MUC5AC: variants seen among roughly 807,000 people sequenced by gnomAD.
The protein encoded by MUC5AC is mucin 5AC, oligomeric mucus/gel-forming, also known as mucin-5AC.
MUC5AC carries 158 observed loss-of-function variants against 169.7 expected under a neutral mutation model. That is an observed-to-expected ratio of 0.93 (90% confidence interval 0.82 to 1.06). MUC5AC has a LOEUF of 1.06. Ranked by LOEUF, MUC5AC falls within the 50% of genes least tolerant of loss-of-function variation. The probability of loss-of-function intolerance (pLI) is 0.00; values close to 1 mark genes in which losing one functional copy is unlikely to be tolerated. For synonymous variants in MUC5AC, 1,975 were observed against 1,237.0 expected (o/e 1.60, Z -12.52); for missense variants, 4,359 against 3,089.9 (o/e 1.41, Z -9.74).
intron 3 of MUC5AC, 34 bp downstream of exon 3, chr11:1,161,620 G>T (rs1235674368): frequency 6.9e-6 from 11 of 1,591,280 alleles, no homozygotes; most frequent in African/African-American, 1.3e-5. Context: ...GTGGGGAAGG[G>T]TCATAGCTTT....
chr11:1,184,488 A>T lies in MUC5AC; in HGVS notation c.6343A>T (p.Asn2115Tyr). ...CACCCACACCACACCAGTCACCAGA[A>T]ACTGTCATCCCCGGTGCACCTGGAC... ...QGTHTTPVTRNCHPRCTWTTW... is the reference protein window; with the variant it reads ...QGTHTTPVTRYCHPRCTWTTW... The change falls in exon 31 of 49, where the codon AAC becomes TAC. Residue 2115 changes from asparagine (N) to tyrosine (Y), a missense_variant. Physicochemically the swap from Asn to Tyr is moderately radical, Grantham distance 143. Transcript: ENST00000621226. The T allele has an allele frequency of 1.6e-6, 1 of 642,048 alleles. No individual in the cohort carries two copies. Among genetic ancestry groups the T allele is most frequent in the Non-Finnish European group, 2.8e-6 (1 of 355,570 alleles). The allele number at this position is 642,048 out of a possible 1,614,324, so 39.8% of individuals were successfully genotyped here. A position where few individuals can be genotyped will look rare whatever the true frequency, so the allele number is the denominator to read the frequency against.
At chr11:1,168,612 C>T in intron 13 of MUC5AC, 30 bp from the exon 14 acceptor site, 1 of 1,612,122 alleles carries the variant, frequency 6.2e-7, no homozygotes, top group Non-Finnish European at 8.5e-7. Context: ...CCACAGCCCC[C>T]AGCAAAACCC....
chr11:1,188,455 G>C lies in MUC5AC; in HGVS notation c.10310G>C (p.Ser3437Thr). The change falls in exon 31 of 49, where the codon AGC (serine) becomes ACC (threonine). Residue 3437 changes from serine (S) to threonine (T), a missense_variant. Transcript: ENST00000621226. ...TTSIISAPTT[S>T]TTSSPTTSTT... ...AGCATAATCTCTGCCCCTACAACCA[G>C]CACAACCTCTTCCCCTACAACCAGC... The C allele has an allele frequency of 1.4e-5, 9 of 643,280 alleles. 1 individual carries two copies. The highest frequency in any genetic ancestry group is 1.8e-5 in the African/African-American group (1 of 55,650). 39.8% of individuals were successfully genotyped at this position (643,280 alleles called of 1,614,324 possible). A position where few individuals can be genotyped will look rare whatever the true frequency, so the allele number is the denominator to read the frequency against.
intron 45 of MUC5AC, 60 bp downstream of exon 45, chr11:1,199,245 G>A (rs752781834): frequency 8.4e-6 from 6 of 715,828 alleles, no homozygotes; most frequent in Non-Finnish European, 1.5e-5. Flanking sequence ...GGCATGTGGG[G>A]ACCTGTCGTT....
rs960163953 is a variant in MUC5AC at position 1,182,212 on chromosome 11, C to T, written c.4067C>T (p.Pro1356Leu). ...CCAAGCAGCGCGCACACAGGCCCTC[C>T]GAGCAGCGCCTGGCCCACCACAGCA... ...NGPSSAHTGP[P>L]SSAWPTTAGT... The change falls in exon 31 of 49, where the codon CCG becomes CTG. Residue 1356 changes from proline (P) to leucine (L), a missense_variant. Physicochemically the swap from Pro to Leu is moderately conservative, Grantham distance 98 (BLOSUM62 -3). Coordinates refer to ENST00000621226, the MANE Select transcript of MUC5AC (RefSeq NM_001304359.2). 3.5e-5 allele frequency: 14 copies of T among 398,578 alleles called. No individual in the cohort carries two copies. Among genetic ancestry groups the T allele is most frequent in the African/African-American group, 2.5e-4 (12 of 48,640 alleles). The allele number at this position is 398,578 out of a possible 1,614,324, so 24.7% of individuals were successfully genotyped here. A position where few individuals can be genotyped will look rare whatever the true frequency, so the allele number is the denominator to read the frequency against.
At chr11:1,163,556 G>A (rs1860208407) in intron 6 of MUC5AC, among the ~76,000 whole-genome samples, 1 of 152,184 alleles carries the variant, frequency 6.6e-6, no homozygotes, top group Non-Finnish European at 1.5e-5. Flanking sequence ...TGGACTGGGA[G>A]GTGTTCAGGC....
intron 30 of MUC5AC, 126 bp from the exon 31 acceptor site, chr11:1,182,029 C>T (rs1021509996): frequency 1.0e-3 from 406 of 398,020 alleles, no homozygotes; most frequent in Non-Finnish European, 1.6e-3. Context: ...GAGCAGGGAC[C>T]GCGGGTGGGG....
At chr11:1,179,796 GA>G (rs1250670022) in intron 26 of MUC5AC, among the ~76,000 whole-genome samples, 1 of 152,190 alleles carries the variant, frequency 6.6e-6, no homozygotes, top group Non-Finnish European at 1.5e-5. Flanking sequence ...GCCTTGCCGG[GA>G]ACGGGCACTG....
At chr11:1,162,834 G>T (rs1860184949) in intron 5 of MUC5AC, 121 bp from the exon 6 acceptor site, 1 of 1,084,288 alleles carries the variant, frequency 9.2e-7, no homozygotes, top group South Asian at 1.3e-5. Context: ...CCAGGATGGA[G>T]ACTGCTTTCG....
At chr11:1,167,513 CT>C in intron 11 of MUC5AC, among the ~76,000 whole-genome samples, 1 of 152,364 alleles carries the variant, frequency 6.6e-6, no homozygotes, top group East Asian at 1.9e-4. Flanking sequence ...TGTGCAGTGT[CT>C]TGTTCCTGCC....
chr11:1,194,376 G>A lies in MUC5AC; in HGVS notation c.15006+16G>A. ...GACAAACGAGGTGGGGGCGCGCCCGGTGTGCCGCGGAGGGGGTGGGGGACG... is the reference window on the plus strand; with the variant it reads ...GACAAACGAGGTGGGGGCGCGCCCGATGTGCCGCGGAGGGGGTGGGGGACG... On this transcript the variant is annotated intron_variant, in intron 34 of 48. Coordinates refer to ENST00000621226, the MANE Select transcript of MUC5AC (RefSeq NM_001304359.2). 1 of 714,146 alleles carries A rather than the reference G, an allele frequency of 1.4e-6. No homozygotes were observed. Among genetic ancestry groups the A allele is most frequent in the Non-Finnish European group, 2.6e-6 (1 of 390,554 alleles). 44.2% of individuals were successfully genotyped at this position (714,146 alleles called of 1,614,324 possible). A position where few individuals can be genotyped will look rare whatever the true frequency, so the allele number is the denominator to read the frequency against.
chr11:1,200,895 C>T lies in MUC5AC; in HGVS notation c.*193C>T, dbSNP rs965746162. On this transcript the variant is annotated 3_prime_UTR_variant, in exon 49 of 49. Transcript: ENST00000621226. ...CTGGAGGAGGGGCCCTTACCCACCC[C>T]GCCTGCAGCCACCTCTCAGGACCAG... 1.7e-5 allele frequency: 8 copies of T among 483,402 alleles called. No homozygotes were observed. Among genetic ancestry groups the T allele is most frequent in the African/African-American group, 1.9e-5 (1 of 52,096 alleles). 29.9% of individuals were successfully genotyped at this position (483,402 alleles called of 1,614,324 possible).
At chr11:1,198,519 C>T (rs553549228) in intron 43 of MUC5AC, among the ~76,000 whole-genome samples, 8 of 152,186 alleles carry the variant, frequency 5.3e-5, no homozygotes, top group African/African-American at 9.6e-5. Context: ...TGCCTGGCTC[C>T]GGGGGGCTCC....
In MUC5AC at chr11:1,158,057, T is replaced by C. The variant is rs1055923334; in HGVS notation, c.58T>C (p.Cys20Arg). 4 of 1,608,276 alleles carry C rather than the reference T, an allele frequency of 2.5e-6. No homozygotes were observed. The highest frequency in any genetic ancestry group is 1.3e-5 in the African/African-American group (1 of 74,984). ...CTGGGCCCTGGCTCTCGCTCTGGCC[T>C]GCACCCGGCATACAGGTACGGCTTG... ...LLWALALALA[C>R]TRHTGHAQDG... is the part of the protein sequence containing the mutation. Residue 20 changes from cysteine to arginine, a missense_variant, in exon 1 of 49, where the codon TGC becomes CGC. By Grantham distance (180) the Cys-to-Arg change is radical (BLOSUM62 -3). Coordinates refer to ENST00000621226, the MANE Select transcript of MUC5AC (RefSeq NM_001304359.2).
chr11:1,200,831 C>T lies in MUC5AC; in HGVS notation c.*129C>T. On this transcript the variant is annotated 3_prime_UTR_variant, in exon 49 of 49. Transcript: ENST00000621226. ...GCTTTGAACACACTGTCCACGCCCG[C>T]TTTCTTGTGGAGGGTGTGGGCTATG... 2 of 618,874 alleles carry T rather than the reference C, an allele frequency of 3.2e-6. No homozygotes were observed. The highest frequency in any genetic ancestry group is 5.8e-6 in the Non-Finnish European group (2 of 344,888). 38.3% of individuals were successfully genotyped at this position (618,874 alleles called of 1,614,324 possible).
chr11:1,161,527 G>A lies in MUC5AC; in HGVS notation c.152G>A (p.Gly51Glu), dbSNP rs755063216. ...ATCCTACCAGCCCCTGTCTCCGCAGGGGTCCCGCTCCGTGGGGCGACTGTC... is the reference window on the plus strand; with the variant it reads ...ATCCTACCAGCCCCTGTCTCCGCAGAGGTCCCGCTCCGTGGGGCGACTGTC... ...ALSPIARGPS[G>E]VPLRGATVFP... Residue 51 changes from glycine (G) to glutamate (E), a missense_variant and splice_region_variant, in exon 3 of 49, where the codon GGG (glycine) becomes GAG (glutamate). Transcript: ENST00000621226. The A allele has an allele frequency of 6.2e-7, 1 of 1,600,534 alleles. No homozygotes were observed. The highest frequency in any genetic ancestry group is 2.2e-5 in the East Asian group (1 of 44,480).
intron 19 of MUC5AC, 90 bp from the exon 20 acceptor site, chr11:1,176,061 G>C: frequency 7.5e-6 from 3 of 398,108 alleles, no homozygotes; most frequent in Non-Finnish European, 1.3e-5. Flanking sequence ...CAATGTGCAC[G>C]CACATGGCAC....
intron 36 of MUC5AC, 58 bp downstream of exon 36, chr11:1,195,337 C>T (rs933646052): frequency 1.2e-5 from 9 of 741,028 alleles, no homozygotes; most frequent in Non-Finnish European, 2.3e-5. Context: ...TCCCACCCTT[C>T]CAAGGGCTGG....
In MUC5AC at chr11:1,192,488, C is replaced by G. The variant is rs750397105; in HGVS notation, c.14343C>G (p.Thr4781=). ...GCTCTGTGGCTTACTCCACCCAAAC[C>G]TGCTTCTGCAACGTGGCTGACCGGC... ...ASSSVAYSTQ[T]CFCNVADRLY... Residue 4781 remains threonine (T), a synonymous_variant, in exon 31 of 49, where the codon ACC becomes ACG. Coordinates refer to ENST00000621226, the MANE Select transcript of MUC5AC (RefSeq NM_001304359.2). The G allele has an allele frequency of 4.3e-5, 33 of 764,982 alleles. No homozygotes were observed. Among genetic ancestry groups the G allele is most frequent in the Non-Finnish European group, 7.2e-5 (30 of 417,864 alleles). 47.4% of individuals were successfully genotyped at this position (764,982 alleles called of 1,614,324 possible).
Sources: allele counts gnomAD v4.1 joint callset (sites outside exome capture counted in the v4.1 genomes callset), GRCh38; gene constraint gnomAD v4.1.1; transcripts MANE v1.5; gene names NCBI Gene and HGNC (gene_info 2026-07-23, HGNC 2026-07-21).